The following MUC5B variants were observed in gnomAD, a reference collection of about 807,000 sequenced individuals.
The protein encoded by MUC5B is mucin-5B.
Under a neutral mutation model 376.9 loss-of-function variants are expected in MUC5B, and 116 were observed. The observed-to-expected ratio is 0.31, with a 90% CI of 0.26 to 0.36. MUC5B has a LOEUF of 0.36. MUC5B is among the 10% of genes least tolerant of loss of function. MUC5B has a pLI of 1.00. For synonymous variants in MUC5B, 3,517 were observed against 3,390.9 expected (o/e 1.04, Z -1.29); for missense variants, 7,165 against 7,769.9 (o/e 0.92, Z 2.93).
intron 37 of MUC5B, 76 bp from the exon 38 acceptor site, chr11:1,256,080 G>A (rs984577114): frequency 2.9e-6 from 2 of 685,756 alleles, no homozygotes; most frequent in Non-Finnish European, 5.4e-6. Context: ...CTCTCTGAGT[G>A]TCCTGTGCGG....
At position 1,228,724 on chromosome 11, in the gene MUC5B, CG is replaced by C; in HGVS notation, c.941del (p.Gly314AlafsTer158). 1.3e-6 allele frequency: 2 copies of C among 1,524,040 alleles called. No individual in the cohort carries two copies. The highest frequency in any genetic ancestry group is 1.8e-6 in the Non-Finnish European group (2 of 1,138,266). 94.4% of individuals were successfully genotyped at this position (1,524,040 alleles called of 1,614,324 possible). A position where few individuals can be genotyped will look rare whatever the true frequency, so the allele number is the denominator to read the frequency against. Reference sequence around the variant, plus strand: ...GAATACTCACGCCAGTGCGCCCACGCGGGGGGCCAGCCGCGGAACTGGAGGT... The same window carrying C: ...GAATACTCACGCCAGTGCGCCCACGCGGGGGCCAGCCGCGGAACTGGAGGT... ...FVEYSRQCAH[A>X]GGQPRNWRCP... On this transcript the variant is annotated frameshift_variant, in exon 8 of 49. Transcript: ENST00000529681. LOFTEE classifies it high-confidence loss of function.
chr11:1,251,818 G>A (rs550728959), intron 31 of MUC5B, 75 bp downstream of exon 31: 2 of 1,096,386 alleles, frequency 1.8e-6, no homozygotes, highest in East Asian at 4.9e-5. Context: ...TGTCCTGGGA[G>A]CCAGTGGCTT....
chr11:1,232,559 C>G lies in MUC5B; in HGVS notation c.1938+15C>G, dbSNP rs751125593. ...CCTTCCACTCGGTGAGAGGCTGAGG[C>G]CAGACCCCCACGCCTGGGCAGGATG... On this transcript the variant is annotated intron_variant, in intron 16 of 48. Transcript: ENST00000529681. 8 of 1,607,324 alleles carry G rather than the reference C, an allele frequency of 5.0e-6. No homozygotes were observed. The highest frequency in any genetic ancestry group is 6.8e-6 in the Non-Finnish European group (8 of 1,177,648).
chr11:1,259,395 T>C (rs770311778), intron 44 of MUC5B: 23 of 485,448 alleles, frequency 4.7e-5, no homozygotes, highest in Non-Finnish European at 7.9e-5. Context: ...GAGTCACTTA[T>C]CCTGGCTCCC....
Position 1,253,975 on chromosome 11 carries a change from A to AG in MUC5B, c.15218-113dup. 1 of 1,410,416 alleles carries AG rather than the reference A, an allele frequency of 7.1e-7. No homozygotes were observed. Among genetic ancestry groups the AG allele is most frequent in the South Asian group, 1.4e-5 (1 of 73,748 alleles). The allele number at this position is 1,410,416 out of a possible 1,614,324, so 87.4% of individuals were successfully genotyped here. On this transcript the variant is annotated intron_variant, in intron 33 of 48. Coordinates refer to ENST00000529681, the MANE Select transcript of MUC5B (RefSeq NM_002458.3). This position sits in a 1 kb window ranked among gnomAD's most constrained non-coding sequence, Gnocchi z 4.3. ...TTATAGACGAGGCAGCTGAGGCCCC[A>AG]GGGGCTTCAGTGGCTCCCCAAGGCG...
Position 1,232,079 on chromosome 11 carries a change from G to A in MUC5B, c.1762G>A (p.Ala588Thr), listed in dbSNP as rs779993786. 96 of 1,612,622 alleles carry A rather than the reference G, an allele frequency of 6.0e-5. No individual in the cohort carries two copies. Among genetic ancestry groups the A allele is most frequent in the Middle Eastern group, 3.3e-4 (2 of 6,082 alleles). The change falls in exon 15 of 49, where the codon GCC becomes ACC. Residue 588 changes from alanine to threonine, a missense_variant. Around this residue, in one of 31 missense-constraint regions of MUC5B, gnomAD observed 18 missense variants for 54.5 expected, o/e 0.33. Coordinates refer to ENST00000529681, the MANE Select transcript of MUC5B (RefSeq NM_002458.3). ...GGTGGAGGCCACGGGCGCAGCCTTC[G>A]CCAACACCTGGAAGGCCCAGGCTGC... The part of the protein sequence containing the change: ...GVVEATGAAF[A>T]NTWKAQAACA...
In MUC5B at chr11:1,246,746, C is replaced by T. The variant is rs766175486; in HGVS notation, c.9866C>T (p.Ala3289Val). ...VLTTTTTTTR[A>V]TGSVATPSST... ...ACCACCACGACCACCACAACCAGGG[C>T]CACCGGCTCTGTGGCCACCCCCTCC... The change falls in exon 31 of 49, where the codon GCC (alanine) becomes GTC (valine). Residue 3289 changes from alanine (A) to valine (V), a missense_variant. Physicochemically the swap from Ala to Val is moderately conservative, Grantham distance 64. Around this residue, in one of 31 missense-constraint regions of MUC5B, gnomAD observed 939 missense variants for 770.6 expected, o/e 1.22. Coordinates refer to ENST00000529681, the MANE Select transcript of MUC5B (RefSeq NM_002458.3). 3.1e-6 allele frequency: 5 copies of T among 1,609,642 alleles called. No individual in the cohort carries two copies. The highest frequency in any genetic ancestry group is 3.4e-6 in the Non-Finnish European group (4 of 1,177,266).
Position 1,255,260 on chromosome 11 carries a change from T to G in MUC5B, c.15884T>G (p.Leu5295Arg), listed in dbSNP as rs1441810852. Residue 5295 changes from leucine to arginine, a missense_variant, in exon 36 of 49, where the codon CTG becomes CGG. Leu to Arg is a moderately radical substitution (Grantham distance 102). Transcript: ENST00000529681. ...CCACAGCCGCTCTGTGATCTGATGCTGAGCCAGTGAGTCCTCCCCTCGGGG... is the reference window on the plus strand; with the variant it reads ...CCACAGCCGCTCTGTGATCTGATGCGGAGCCAGTGAGTCCTCCCCTCGGGG... ...CPPQPLCDLMLSQVFAECHNL... is the reference protein window; with the variant it reads ...CPPQPLCDLMRSQVFAECHNL... 1 of 1,504,322 alleles carries G rather than the reference T, an allele frequency of 6.6e-7. No individual in the cohort carries two copies. The highest frequency in any genetic ancestry group is 1.3e-5 in the South Asian group (1 of 79,222). 93.2% of individuals were successfully genotyped at this position (1,504,322 alleles called of 1,614,324 possible). A position where few individuals can be genotyped will look rare whatever the true frequency, so the allele number is the denominator to read the frequency against.
Position 1,241,229 on chromosome 11 carries a change from C to G in MUC5B, c.4349C>G (p.Thr1450Arg). The G allele has an allele frequency of 3.8e-6, 6 of 1,591,726 alleles. No homozygotes were observed. The highest frequency in any genetic ancestry group is 5.1e-6 in the Non-Finnish European group (6 of 1,169,356). The change falls in exon 31 of 49, where the codon ACG becomes AGG. Residue 1450 changes from threonine (T) to arginine (R), a missense_variant. By Grantham distance (71) the Thr-to-Arg change is moderately conservative. Transcript: ENST00000529681. ...TSPQPSLSAS[T>R]EPAVPTPTQT... ...CCTCAGCCCTCCCTCAGTGCCAGCA[C>G]GGAGCCTGCTGTGCCTACCCCAACC...
At chr11:1,230,762 C>G (rs957562328) in intron 12 of MUC5B, among the ~76,000 whole-genome samples, 162 bp downstream of exon 12, 1 of 151,708 alleles carries the variant, frequency 6.6e-6, no homozygotes, top group Non-Finnish European at 1.5e-5. Flanking sequence ...CCCCCTCCAG[C>G]CCTGAGGTCA....
Position 1,234,068 on chromosome 11 carries a change from G to A in MUC5B, c.2378-137G>A, listed in dbSNP as rs1222901633. On this transcript the variant is annotated intron_variant, in intron 19 of 48. Coordinates refer to ENST00000529681, the MANE Select transcript of MUC5B (RefSeq NM_002458.3). The surrounding 1 kb of genome is among the most constrained non-coding windows in gnomAD (Gnocchi z 6.3). ...GTGTGGCCGGGGTGTCCTGGGGTTG[G>A]GGGCTGCAGGTGTCATGGAAGCTTT... 1.2e-6 allele frequency: 1 copy of A among 826,262 alleles called. No individual in the cohort carries two copies. Among genetic ancestry groups the A allele is most frequent in the Non-Finnish European group, 2.0e-6 (1 of 507,108 alleles). The allele number at this position is 826,262 out of a possible 1,614,324, so 51.2% of individuals were successfully genotyped here. A position where few individuals can be genotyped will look rare whatever the true frequency, so the allele number is the denominator to read the frequency against.
At position 1,243,078 on chromosome 11, in the gene MUC5B, C is replaced by A. The variant is rs1862336557; in HGVS notation, c.6198C>A (p.Ser2066Arg). 6.2e-7 allele frequency: 1 copy of A among 1,612,002 alleles called. No homozygotes were observed. The highest frequency in any genetic ancestry group is 1.1e-5 in the South Asian group (1 of 91,042). Reference sequence around the variant, plus strand: ...GCTTCACAGCCACCCCCTCCTCCAGCCCAGGGACGGCACTCACGCCTCCAG... The same window carrying A: ...GCTTCACAGCCACCCCCTCCTCCAGACCAGGGACGGCACTCACGCCTCCAG... ...TTGFTATPSSSPGTALTPPVW... is the reference protein window; with the variant it reads ...TTGFTATPSSRPGTALTPPVW... The change falls in exon 31 of 49, where the codon AGC becomes AGA. Residue 2066 changes from serine (S) to arginine (R), a missense_variant. Physicochemically the swap from Ser to Arg is moderately radical, Grantham distance 110 (BLOSUM62 -1). This residue lies in a region of MUC5B where 897 missense variants were observed against 779.6 expected (regional missense o/e 1.15). Coordinates refer to ENST00000529681, the MANE Select transcript of MUC5B (RefSeq NM_002458.3).
At position 1,232,434 on chromosome 11, in the gene MUC5B, C is replaced by T; in HGVS notation, c.1844-16C>T. ...TCGGGGCAGGGCGTGGAGATGAGGT[C>T]AGGTCTTCCCCACAGAGAACTACGC... is the stretch of plus-strand genomic sequence containing the variant. On this transcript the variant is annotated splice_polypyrimidine_tract_variant and intron_variant, in intron 15 of 48. Coordinates refer to ENST00000529681, the MANE Select transcript of MUC5B (RefSeq NM_002458.3). 2 of 1,593,792 alleles carry T rather than the reference C, an allele frequency of 1.3e-6. No individual in the cohort carries two copies. Among genetic ancestry groups the T allele is most frequent in the Middle Eastern group, 1.7e-4 (1 of 6,042 alleles).
rs1337060550 is a variant in MUC5B at position 1,253,086 on chromosome 11, T to G, written c.15217+106T>G. ...CATGGTGGGGCACAGTGGGGTGCAG[T>G]GGGGAATGGTGGGGCATGGTGGGGC... On this transcript the variant is annotated intron_variant, in intron 33 of 48. Coordinates refer to ENST00000529681, the MANE Select transcript of MUC5B (RefSeq NM_002458.3). This position sits in a 1 kb window ranked among gnomAD's most constrained non-coding sequence, Gnocchi z 4.3. 72 of 515,988 alleles carry G rather than the reference T, an allele frequency of 1.4e-4. No homozygotes were observed. The highest frequency in any genetic ancestry group is 8.6e-4 in the East Asian group (6 of 6,956). The allele number at this position is 515,988 out of a possible 1,614,324, so 32.0% of individuals were successfully genotyped here.
In MUC5B at chr11:1,252,872, G is replaced by A. The variant is rs200849036; in HGVS notation, c.15109G>A (p.Val5037Ile). The change falls in exon 33 of 49, where the codon GTC (valine) becomes ATC (isoleucine). Residue 5037 changes from valine to isoleucine, a missense_variant. Val to Ile is a conservative substitution (Grantham distance 29, BLOSUM62 3). Coordinates refer to ENST00000529681, the MANE Select transcript of MUC5B (RefSeq NM_002458.3). ...CAGGTGCGTGGGTGACAACCGTGTC[G>A]TCCTGCTGGACCCAAAGCCTGTGGC... ...VARCVGDNRV[V>I]LLDPKPVANV... 9.5e-5 allele frequency: 153 copies of A among 1,612,610 alleles called. 2 individuals carry two copies. Among genetic ancestry groups the A allele is most frequent in the South Asian group, 3.7e-4 (34 of 91,062 alleles).
At chr11:1,240,777 C>A in intron 30 of MUC5B, 74 bp from the exon 31 acceptor site, 1 of 1,403,604 alleles carries the variant, frequency 7.1e-7, no homozygotes, top group Admixed American at 2.4e-5. Context: ...AAAGGGTCCT[C>A]TGGGGCCCCT....
In MUC5B at chr11:1,241,963, A is replaced by G; in HGVS notation, c.5083A>G (p.Thr1695Ala). 1 of 1,603,228 alleles carries G rather than the reference A, an allele frequency of 6.2e-7. No homozygotes were observed. Among genetic ancestry groups the G allele is most frequent in the South Asian group, 1.1e-5 (1 of 89,412 alleles). ...AGGGGTGGCCACATCCACCCTTCCA[A>G]CACGCTCAGCCCTTCCAGGGACGAC... is the stretch of plus-strand genomic sequence containing the variant. ...VPGVATSTLPTRSALPGTTGS... is the reference protein window; with the variant it reads ...VPGVATSTLPARSALPGTTGS... The change falls in exon 31 of 49, where the codon ACA (threonine) becomes GCA (alanine). Residue 1695 changes from threonine (T) to alanine (A), a missense_variant. This residue lies in a region of MUC5B where 897 missense variants were observed against 779.6 expected (regional missense o/e 1.15). Coordinates refer to ENST00000529681, the MANE Select transcript of MUC5B (RefSeq NM_002458.3).
intron 8 of MUC5B, 32 bp downstream of exon 8, chr11:1,228,797 G>A: frequency 6.8e-7 from 1 of 1,461,166 alleles, no homozygotes; most frequent in East Asian, 2.6e-5. Context: ...GCCAGGGATT[G>A]TGCCAGAGAG....
Position 1,257,254 on chromosome 11 carries a change from G to C in MUC5B, c.16252G>C (p.Asp5418His). ...TTTCTTTCCAGCCTGCGTGGGACCC[G>C]ATGGGTTTCCTAAATTTGTGAGTGG... Reference protein sequence around the residue: ...CVQACPCVGPDGFPKFPGERW... With the variant: ...CVQACPCVGPHGFPKFPGERW... Residue 5418 changes from aspartate to histidine, a missense_variant, in exon 40 of 49, where the codon GAT becomes CAT. Asp to His is a moderately conservative substitution (Grantham distance 81). Coordinates refer to ENST00000529681, the MANE Select transcript of MUC5B (RefSeq NM_002458.3). This position sits in a 1 kb window ranked among gnomAD's most constrained non-coding sequence, Gnocchi z 8.9. 1.3e-6 allele frequency: 1 copy of C among 779,990 alleles called. No homozygotes were observed. 48.3% of individuals were successfully genotyped at this position (779,990 alleles called of 1,614,324 possible). A position where few individuals can be genotyped will look rare whatever the true frequency, so the allele number is the denominator to read the frequency against.
Sources: gnomAD v4.1 joint callset for allele counts (sites outside exome capture counted in the v4.1 genomes callset) on GRCh38, gnomAD v4.1.1 for gene constraint, gnomAD v4.1.1 regional missense constraint, Gnocchi (gnomAD v3.1) non-coding constraint, MANE v1.5 for transcripts, NCBI Gene and HGNC (gene_info 2026-07-23, HGNC 2026-07-21) for gene names.